The following CACNB4 variants were observed in gnomAD, a reference collection of about 807,000 sequenced individuals.
CACNB4 encodes calcium voltage-gated channel auxiliary subunit beta 4, also known as voltage-dependent L-type calcium channel subunit beta-4.
Under a neutral mutation model 71.2 loss-of-function variants are expected in CACNB4, and 32 were observed. The ratio of observed to expected loss-of-function variants is 0.45; its 90% CI spans 0.34 to 0.60. The LOEUF (loss-of-function observed/expected upper bound fraction) is 0.60. Ranked by LOEUF, CACNB4 falls within the 20% of genes least tolerant of loss-of-function variation. The probability of loss-of-function intolerance (pLI) is 0.01; values close to 1 mark genes in which losing one functional copy is unlikely to be tolerated. For missense variants in CACNB4, 464 were observed against 647.9 expected, an observed-to-expected ratio of 0.72 and a Z score of 3.08; for synonymous variants, 231 against 236.9, an observed-to-expected ratio of 0.97 and a Z score of 0.23.
At chr2:151,870,166 ATTGT>A (rs1259192148) in intron 8 of CACNB4, 6 of 642,930 alleles carry the variant, frequency 9.3e-6, no homozygotes, top group Non-Finnish European at 1.7e-5. Context: ...TGGAAGATTG[ATTGT>A]TTGTCCTCTT....
At chr2:151,880,005 A>G (rs2099847422) in intron 4 of CACNB4, 2 of 152,240 alleles carry the variant, frequency 1.3e-5, no homozygotes, top group African/African-American at 4.8e-5. Flanking sequence ...GACATAATCA[A>G]CTTAACCATT....
At chr2:151,913,929 G>A (rs947998093) in intron 2 of CACNB4, among the ~76,000 whole-genome samples, 1 of 152,012 alleles carries the variant, frequency 6.6e-6, no homozygotes, top group African/African-American at 2.4e-5. Flanking sequence ...TTTCAACCTT[G>A]GAGAATCTGA....
At chr2:152,026,599 C>T (rs1362301848) in intron 2 of CACNB4, among the ~76,000 whole-genome samples, 1 of 152,044 alleles carries the variant, frequency 6.6e-6, no homozygotes, top group East Asian at 1.9e-4. Context: ...TGGCCGGGCT[C>T]GAACTCCTGA....
At chr2:151,969,078 C>G (rs1429433885) in intron 2 of CACNB4, 5 of 152,196 alleles carry the variant, frequency 3.3e-5, no homozygotes, top group Non-Finnish European at 7.4e-5. Flanking sequence ...TAGCCAAACA[C>G]CAACACAGCT....
chr2:152,052,305 T>C (rs1685478300), intron 2 of CACNB4, among the ~76,000 whole-genome samples: 1 of 151,876 alleles, frequency 6.6e-6, no homozygotes, highest in African/African-American at 2.4e-5. Context: ...TCACATTATC[T>C]CTTTTTGTTT....
At chr2:152,066,019 C>T (rs116350097) in intron 2 of CACNB4, among the ~76,000 whole-genome samples, 233 of 152,274 alleles carry the variant, frequency 1.5e-3, no homozygotes, top group African/African-American at 5.5e-3. Flanking sequence ...TTAGTGAGCA[C>T]AATAAATGAA....
chr2:152,004,613 C>A (rs1255752711), intron 2 of CACNB4, among the ~76,000 whole-genome samples: 1 of 152,014 alleles, frequency 6.6e-6, no homozygotes, highest in Non-Finnish European at 1.5e-5. Flanking sequence ...GCCCCTCCTG[C>A]CTTCAGTGGA....
chr2:151,991,957 C>T (rs1281338878), intron 2 of CACNB4, among the ~76,000 whole-genome samples: 3 of 152,160 alleles, frequency 2.0e-5, no homozygotes, highest in South Asian at 4.1e-4. Flanking sequence ...AACTGATTTC[C>T]GATTGCAGAG....
chr2:152,099,012 C>T lies in CACNB4; in HGVS notation c.-1G>A. 1.3e-6 allele frequency: 2 copies of T among 1,524,716 alleles called. No homozygotes were observed. The highest frequency in any genetic ancestry group is 1.8e-6 in the Non-Finnish European group (2 of 1,139,098). 94.4% of individuals were successfully genotyped at this position (1,524,716 alleles called of 1,614,324 possible). A position where few individuals can be genotyped will look rare whatever the true frequency, so the allele number is the denominator to read the frequency against. ...TCTTGGCGTAGGAGGAGGAGGACATCGTTCAGAGCCGCCGCATGGCCAGCC... is the reference window on the plus strand; with the variant it reads ...TCTTGGCGTAGGAGGAGGAGGACATTGTTCAGAGCCGCCGCATGGCCAGCC... On this transcript the variant is annotated 5_prime_UTR_variant, in exon 1 of 14. Coordinates refer to ENST00000539935, the MANE Select transcript of CACNB4 (RefSeq NM_000726.5).
chr2:151,995,800 T>C (rs920280206), intron 2 of CACNB4, among the ~76,000 whole-genome samples: 1 of 152,248 alleles, frequency 6.6e-6, no homozygotes, highest in Non-Finnish European at 1.5e-5. Context: ...GTTGGGAAAC[T>C]ACCTACCAGT....
chr2:151,903,903 G>A (rs1366414120), intron 2 of CACNB4, among the ~76,000 whole-genome samples: 1 of 152,200 alleles, frequency 6.6e-6, no homozygotes, highest in Non-Finnish European at 1.5e-5. Flanking sequence ...TCAAGGGCAG[G>A]TAGTGTATCT....
intron 12 of CACNB4, among the ~76,000 whole-genome samples, chr2:151,847,438 TGGTACAACATGTAA>T (rs1322144037): frequency 6.6e-6 from 1 of 152,158 alleles, no homozygotes; most frequent in African/African-American, 2.4e-5. Flanking sequence ...AACGGCTGAA[TGGTACAACATGTAA>T]TGCTAATTAT....
In CACNB4 at chr2:151,872,316, C is replaced by T. The variant is rs1322059768; in HGVS notation, c.598+101G>A. The T allele has an allele frequency of 4.2e-5, 29 of 690,646 alleles. No individual in the cohort carries two copies. In the East Asian group the frequency reaches 7.5e-4, roughly 18 times the overall value. The allele number at this position is 690,646 out of a possible 1,614,324, so 42.8% of individuals were successfully genotyped here. On this transcript the variant is annotated intron_variant, in intron 6 of 13. Coordinates refer to ENST00000539935, the MANE Select transcript of CACNB4 (RefSeq NM_000726.5). ...TTAATTAGAGAATCTTTAAATTAAG[C>T]CTTCAAATTGTTTCCAAATTAGCAA...
intron 2 of CACNB4, among the ~76,000 whole-genome samples, chr2:151,887,804 T>C (rs921545431): frequency 6.6e-6 from 1 of 152,186 alleles, no homozygotes; most frequent in Non-Finnish European, 1.5e-5. Flanking sequence ...TGGCTCCAGA[T>C]GAAACATCAT....
intron 10 of CACNB4, chr2:151,859,620 T>G (rs545231441): frequency 2.6e-5 from 4 of 152,342 alleles, no homozygotes; most frequent in Non-Finnish European, 2.9e-5. Context: ...TCCCTCTGCA[T>G]GTGGAAGGCT....
At chr2:151,967,368 C>G (rs966560879) in intron 2 of CACNB4, 1 of 152,056 alleles carries the variant, frequency 6.6e-6, no homozygotes, top group Non-Finnish European at 1.5e-5. Context: ...TCTCCACTTT[C>G]AATCATGACA....
intron 2 of CACNB4, among the ~76,000 whole-genome samples, chr2:151,926,726 C>T (rs2099860342): frequency 6.6e-6 from 1 of 152,204 alleles, no homozygotes; most frequent in Non-Finnish European, 1.5e-5. Context: ...AAACATCATG[C>T]TCATTACTAT....
At chr2:151,949,880 T>C (rs2099866498) in intron 2 of CACNB4, among the ~76,000 whole-genome samples, 2 of 151,890 alleles carry the variant, frequency 1.3e-5, no homozygotes, top group South Asian at 4.2e-4. Flanking sequence ...AAACTCTGTT[T>C]CTACTAAAAA....
At chr2:152,059,026 T>A (rs1442229302) in intron 2 of CACNB4, among the ~76,000 whole-genome samples, 1 of 152,218 alleles carries the variant, frequency 6.6e-6, no homozygotes, top group African/African-American at 2.4e-5. Flanking sequence ...CCTGTGGCTG[T>A]GCAGAAGACA....
Sources: gnomAD v4.1 joint callset for allele counts (sites outside exome capture counted in the v4.1 genomes callset) on GRCh38, gnomAD v4.1.1 for gene constraint, MANE v1.5 for transcripts, NCBI Gene and HGNC (gene_info 2026-07-23, HGNC 2026-07-21) for gene names.